Variants in PDLIM5 observed in about 807,000 individuals in gnomAD.
PDLIM5 encodes the protein PDZ and LIM domain 5.
In PDLIM5, 34 loss-of-function variants were observed where a neutral mutation model predicts 64.2. That is an observed-to-expected ratio of 0.53 (90% CI 0.40 to 0.71). The LOEUF is 0.71. PDLIM5 is among the 30% of genes least tolerant of loss of function. PDLIM5 has a pLI of 0.00. For synonymous variants in PDLIM5, 253 were observed against 269.1 expected, an observed-to-expected ratio of 0.94 and a Z score of 0.59; for missense variants, 683 against 733.6, an observed-to-expected ratio of 0.93 and a Z score of 0.80.
chr4:94,549,762 TC>T (rs1435018330), intron 3 of PDLIM5: 1 of 152,174 alleles, frequency 6.6e-6, no homozygotes, highest in Non-Finnish European at 1.5e-5. Context: ...TTTCCCTTTG[TC>T]TTCCTGGCTC....
At chr4:94,635,213 G>GA (rs1204237772) in intron 8 of PDLIM5, among the ~76,000 whole-genome samples, 3 of 150,554 alleles carry the variant, frequency 2.0e-5, no homozygotes, top group Non-Finnish European at 3.0e-5. Flanking sequence ...TGGTACAAAA[G>GA]AAAAAAAAAG....
chr4:94,506,474 C>T lies in PDLIM5; in HGVS notation c.97-17250C>T, dbSNP rs1728408778. On this transcript the variant is annotated intron_variant, in intron 2 of 12. Coordinates refer to ENST00000317968, the MANE Select transcript of PDLIM5 (RefSeq NM_006457.5). ...AGGCTCACTTTGCTTCAGGATGGTACCTGATAGCTGTGCCTCACATGGAGG... is the reference window on the plus strand; with the variant it reads ...AGGCTCACTTTGCTTCAGGATGGTATCTGATAGCTGTGCCTCACATGGAGG... Among the ~76,000 whole-genome samples, 4 of 152,238 alleles carry T rather than the reference C, an allele frequency of 2.6e-5. No individual in the cohort carries two copies. The South Asian group carries it at 8.3e-4, about 32-fold the overall frequency.
chr4:94,658,834 A>G (rs1742423864), intron 11 of PDLIM5, among the ~76,000 whole-genome samples: 1 of 152,310 alleles, frequency 6.6e-6, no homozygotes, highest in African/African-American at 2.4e-5. Context: ...CCTCAATTCA[A>G]CCAGAATACT....
At chr4:94,474,670 A>T (rs1013308093) in intron 2 of PDLIM5, among the ~76,000 whole-genome samples, 4 of 152,022 alleles carry the variant, frequency 2.6e-5, no homozygotes, top group Non-Finnish European at 5.9e-5. Context: ...TCTTATTTGT[A>T]TATTTTAGAG....
intron 8 of PDLIM5, among the ~76,000 whole-genome samples, chr4:94,619,090 A>G (rs565177761): frequency 2.0e-5 from 3 of 152,248 alleles, no homozygotes; most frequent in South Asian, 2.1e-4. Context: ...ACCATTTCCT[A>G]TCTCTGGGAA....
chr4:94,488,160 G>A (rs1323400663), intron 2 of PDLIM5, among the ~76,000 whole-genome samples: 1 of 152,192 alleles, frequency 6.6e-6, no homozygotes, highest in Non-Finnish European at 1.5e-5. Context: ...TTGCTGAATG[G>A]CGGTTCTGCA....
intron 3 of PDLIM5, among the ~76,000 whole-genome samples, chr4:94,564,656 CTTTTTT>C (rs768721210): frequency 8.6e-5 from 9 of 104,542 alleles, no homozygotes; most frequent in Non-Finnish European, 1.4e-4. Context: ...AATTTTGTCT[CTTTTTT>C]TTTTTTTTTT....
At chr4:94,577,428 A>G (rs769494557) in intron 5 of PDLIM5, 49 of 455,512 alleles carry the variant, frequency 1.1e-4, no homozygotes, top group African/African-American at 5.6e-4. Context: ...TGGGCTGTAC[A>G]TACGGTCTTG....
intron 9 of PDLIM5, among the ~76,000 whole-genome samples, chr4:94,646,954 A>G (rs1741463594): frequency 6.6e-6 from 1 of 152,092 alleles, no homozygotes; most frequent in Non-Finnish European, 1.5e-5. Context: ...TTTCTCTAAT[A>G]TGTTTACTTT....
chr4:94,466,948 A>G (rs1724418451), intron 2 of PDLIM5, among the ~76,000 whole-genome samples: 1 of 152,328 alleles, frequency 6.6e-6, no homozygotes, highest in African/African-American at 2.4e-5. Context: ...TGGCTATACT[A>G]GGTTTTGTTT....
chr4:94,514,287 A>G (rs965298192), intron 2 of PDLIM5, among the ~76,000 whole-genome samples: 2 of 151,980 alleles, frequency 1.3e-5, no homozygotes, highest in African/African-American at 4.8e-5. Flanking sequence ...GGTGCCCACC[A>G]TCACGCCCAG....
chr4:94,506,213 C>T (rs1304105657), intron 2 of PDLIM5, among the ~76,000 whole-genome samples: 1 of 152,206 alleles, frequency 6.6e-6, no homozygotes, highest in Non-Finnish European at 1.5e-5. Flanking sequence ...TCAGTCTTTT[C>T]AACGCCATCA....
intron 8 of PDLIM5, among the ~76,000 whole-genome samples, chr4:94,635,039 G>A (rs1740448507): frequency 6.6e-6 from 1 of 152,100 alleles, no homozygotes; most frequent in African/African-American, 2.4e-5. Context: ...GACTATCAGT[G>A]TTGAAAATCC....
chr4:94,662,988 T>G (rs1742861611), intron 12 of PDLIM5, among the ~76,000 whole-genome samples: 1 of 152,200 alleles, frequency 6.6e-6, no homozygotes, highest in South Asian at 2.1e-4. Flanking sequence ...CCCCTGGATA[T>G]TCTTTTCTTT....
At chr4:94,495,318 G>A (rs181900561) in intron 2 of PDLIM5, among the ~76,000 whole-genome samples, 164 of 152,160 alleles carry the variant, frequency 1.1e-3, no homozygotes, top group Middle Eastern at 3.4e-3. Context: ...ATTTGTTTCC[G>A]AGTTTTATAC....
chr4:94,614,188 C>T (rs1425764912), intron 7 of PDLIM5, among the ~76,000 whole-genome samples: 4 of 152,160 alleles, frequency 2.6e-5, no homozygotes, highest in African/African-American at 9.7e-5. Context: ...GTCTCCATCT[C>T]TTGACCTCGT....
chr4:94,466,600 G>A (rs1724389262), intron 2 of PDLIM5, among the ~76,000 whole-genome samples: 1 of 152,062 alleles, frequency 6.6e-6, no homozygotes, highest in African/African-American at 2.4e-5. Context: ...TAGAGCTTTT[G>A]TTACTTAGAT....
At chr4:94,651,220 C>T (rs893506666) in intron 9 of PDLIM5, among the ~76,000 whole-genome samples, 2 of 152,204 alleles carry the variant, frequency 1.3e-5, no homozygotes, top group African/African-American at 4.8e-5. Flanking sequence ...GAGAAAGATG[C>T]TCTTTCAGGA....
rs79327066 is a variant in PDLIM5 at position 94,560,682 on chromosome 4, G to A, written c.249-12669G>A. 4.3e-3 allele frequency among the ~76,000 whole-genome samples: 657 copies of A among 152,192 alleles called. 6 individuals carry two copies. The highest frequency in any genetic ancestry group is 0.014 in the African/African-American group (590 of 41,506). On this transcript the variant is annotated intron_variant, in intron 3 of 12. Transcript: ENST00000317968. ...CTCTGGAATACTGGACATTTTTGAG[G>A]CTGTGTTATACTTATCAAATTAACC...
Sources: allele counts gnomAD v4.1 joint callset (sites outside exome capture counted in the v4.1 genomes callset), GRCh38; gene constraint gnomAD v4.1.1; transcripts MANE v1.5; gene names NCBI Gene and HGNC (gene_info 2026-07-23, HGNC 2026-07-21).